The following CFAP96 variants were observed in gnomAD, a reference collection of about 807,000 sequenced individuals.
CFAP96 encodes the protein cilia and flagella associated protein 96.
chr4:185,410,878 G>A, the CFAP96 span, among the ~76,000 whole-genome samples: 13 of 146,444 alleles, frequency 8.9e-5, no homozygotes, highest in Admixed American at 7.6e-4. Flanking sequence ...CCCAGGAGGC[G>A]GAGGTTGCAG....
the CFAP96 span, among the ~76,000 whole-genome samples, chr4:185,426,789 T>C: frequency 1.3e-4 from 19 of 147,250 alleles, no homozygotes; most frequent in African/African-American, 4.6e-4. Context: ...CCCAGCACTT[T>C]GGGAGGCCAA....
chr4:185,432,889 CA>C, the CFAP96 span, among the ~76,000 whole-genome samples: 1 of 151,054 alleles, frequency 6.6e-6, no homozygotes, highest in Admixed American at 6.6e-5. Context: ...AATTAGGATA[CA>C]TTTTTTTTGT....
chr4:185,437,338 C>G, the CFAP96 span, among the ~76,000 whole-genome samples: 1 of 152,120 alleles, frequency 6.6e-6, no homozygotes, highest in African/African-American at 2.4e-5. Flanking sequence ...AATAAAGGAA[C>G]CCTTATAAAT....
At chr4:185,443,342 A>ATATTTTTTTTTTTTT in the CFAP96 span, among the ~76,000 whole-genome samples, 2 of 26,728 alleles carry the variant, frequency 7.5e-5, no homozygotes, top group African/African-American at 1.2e-4. Flanking sequence ...ATATATATAT[A>ATATTTTTTTTTTTTT]TTTTTTTTTT....
the CFAP96 span, chr4:185,449,712 G>C: frequency 2.7e-6 from 3 of 1,098,852 alleles, no homozygotes; most frequent in African/African-American, 4.9e-5. Flanking sequence ...CTAATTATTT[G>C]AAAAAATATA....
chr4:185,418,801 GA>G, the CFAP96 span: 3 of 1,531,948 alleles, frequency 2.0e-6, no homozygotes, highest in African/African-American at 4.2e-5. Flanking sequence ...TAGAAGTTAA[GA>G]AAAACAAATT....
the CFAP96 span, chr4:185,429,573 T>C: frequency 4.4e-6 from 4 of 907,070 alleles, no homozygotes; most frequent in African/African-American, 1.8e-5. Flanking sequence ...AAATTTAGAA[T>C]TTAATATTTA....
chr4:185,437,456 T>C, the CFAP96 span, among the ~76,000 whole-genome samples: 1 of 152,196 alleles, frequency 6.6e-6, no homozygotes. Flanking sequence ...TGGCAATCAC[T>C]TTGTAGTTTT....
At chr4:185,442,725 A>C in the CFAP96 span, among the ~76,000 whole-genome samples, 3 of 152,164 alleles carry the variant, frequency 2.0e-5, no homozygotes, top group Non-Finnish European at 4.4e-5. Flanking sequence ...TATAGATGCC[A>C]AAAATAGGAA....
chr4:185,436,425 CT>C, the CFAP96 span: 1 of 1,239,564 alleles, frequency 8.1e-7, no homozygotes, highest in Non-Finnish European at 1.2e-6. Context: ...TAATAATTCA[CT>C]TGAGGCCGGG....
the CFAP96 span, among the ~76,000 whole-genome samples, chr4:185,427,314 G>A: frequency 6.6e-6 from 1 of 152,220 alleles, no homozygotes; most frequent in African/African-American, 2.4e-5. Context: ...GGAAGAGGTA[G>A]GATGTGGGGA....
At chr4:185,423,148 C>A in the CFAP96 span, among the ~76,000 whole-genome samples, 2 of 152,130 alleles carry the variant, frequency 1.3e-5, no homozygotes, top group African/African-American at 4.8e-5. Flanking sequence ...CGTGAGCCAC[C>A]GCGCCCAGCT....
At chr4:185,440,889 T>C in the CFAP96 span, among the ~76,000 whole-genome samples, 1 of 150,136 alleles carries the variant, frequency 6.7e-6, no homozygotes, top group African/African-American at 2.4e-5. Context: ...GTATGAATAG[T>C]GTAGGGGATA....
At chr4:185,437,827 T>C in the CFAP96 span, among the ~76,000 whole-genome samples, 1 of 152,184 alleles carries the variant, frequency 6.6e-6, no homozygotes, top group African/African-American at 2.4e-5. Flanking sequence ...AGAAATTTTA[T>C]GTTCCTAGAT....
At chr4:185,443,610 A>G in the CFAP96 span, among the ~76,000 whole-genome samples, 1 of 151,322 alleles carries the variant, frequency 6.6e-6, no homozygotes, top group Non-Finnish European at 1.5e-5. Context: ...CGGCCTCCCA[A>G]AGTGCTGGGA....
At chr4:185,429,462 T>G in the CFAP96 span, 5 of 1,538,342 alleles carry the variant, frequency 3.3e-6, no homozygotes, top group Non-Finnish European at 4.4e-6. Flanking sequence ...GCCTCTTTAG[T>G]GAGATGGAAT....
chr4:185,410,945 C>CAAA, the CFAP96 span, among the ~76,000 whole-genome samples: 643 of 113,650 alleles, frequency 5.7e-3, 5 homozygotes, highest in African/African-American at 0.013. Flanking sequence ...GACTCCATCT[C>CAAA]AAAAAAAAAA....
chr4:185,424,572 T>C, the CFAP96 span, among the ~76,000 whole-genome samples: 1 of 152,228 alleles, frequency 6.6e-6, no homozygotes, highest in African/African-American at 2.4e-5. Flanking sequence ...CAAATTTAGC[T>C]TCATGTTGTC....
the CFAP96 span, chr4:185,445,071 C>G: frequency 6.4e-7 from 1 of 1,551,600 alleles, no homozygotes; most frequent in Middle Eastern, 1.7e-4. Flanking sequence ...AGATTTTCCA[C>G]CCACCAAGTG....
Sources: gnomAD v4.1 joint callset for allele counts (sites outside exome capture counted in the v4.1 genomes callset) on GRCh38, gnomAD v4.1.1 for gene constraint, MANE v1.5 for transcripts, NCBI Gene and HGNC (gene_info 2026-07-23, HGNC 2026-07-21) for gene names.